The following NR3C2 variants were observed in gnomAD, a reference collection of about 807,000 sequenced individuals.
NR3C2 encodes the protein nuclear receptor subfamily 3 group C member 2.
NR3C2 carries 15 observed loss-of-function variants against 86.4 expected under a neutral mutation model. That is an observed-to-expected ratio of 0.17 (90% CI 0.12 to 0.27). The LOEUF is 0.27. Among genes scored for constraint, NR3C2 ranks in the 10% least tolerant of loss-of-function variants. The pLI is 1.00. For synonymous variants in NR3C2, 458 were observed against 450.5 expected, an observed-to-expected ratio of 1.02 and a Z score of -0.21; for missense variants, 960 against 1,195.6, an observed-to-expected ratio of 0.80 and a Z score of 2.91.
At chr4:148,300,655 C>G (rs1415110079) in intron 2 of NR3C2, among the ~76,000 whole-genome samples, 5 of 147,688 alleles carry the variant, frequency 3.4e-5, no homozygotes, top group Non-Finnish European at 5.9e-5. Flanking sequence ...ACGCAATCTC[C>G]TCCACCTCCT....
chr4:148,361,620 T>C (rs185864661), intron 2 of NR3C2, among the ~76,000 whole-genome samples: 4 of 152,314 alleles, frequency 2.6e-5, no homozygotes, highest in Admixed American at 2.6e-4. Context: ...ACAAGTTAAA[T>C]CTCTCTGGTC....
At chr4:148,388,293 A>G (rs1747369180) in intron 2 of NR3C2, among the ~76,000 whole-genome samples, 1 of 152,218 alleles carries the variant, frequency 6.6e-6, no homozygotes, top group African/African-American at 2.4e-5. Context: ...ACTTTTTAAA[A>G]TTTTGGAATA....
At chr4:148,310,018 T>TA (rs540275364) in intron 2 of NR3C2, among the ~76,000 whole-genome samples, 25 of 151,918 alleles carry the variant, frequency 1.6e-4, no homozygotes, top group Non-Finnish European at 1.3e-4. Context: ...TCACAGGGCT[T>TA]AAAAAAAACT....
intron 2 of NR3C2, among the ~76,000 whole-genome samples, chr4:148,300,982 C>T (rs1220241721): frequency 6.6e-6 from 1 of 152,144 alleles, no homozygotes; most frequent in Non-Finnish European, 1.5e-5. Flanking sequence ...TTGGGAGAGA[C>T]CTGTTTTCCT....
chr4:148,333,126 C>A (rs2149970804), intron 2 of NR3C2, among the ~76,000 whole-genome samples: 1 of 151,942 alleles, frequency 6.6e-6, no homozygotes, highest in South Asian at 2.1e-4. Context: ...AAAAAATTAG[C>A]CAGGCATGGT....
intron 3 of NR3C2, among the ~76,000 whole-genome samples, chr4:148,256,725 A>G (rs1200499803): frequency 1.3e-5 from 2 of 152,312 alleles, no homozygotes; most frequent in South Asian, 2.1e-4. Context: ...TTCAAGGCAA[A>G]TAAGTGATTC....
At chr4:148,240,891 C>T (rs183731172) in intron 3 of NR3C2, among the ~76,000 whole-genome samples, 116 of 152,256 alleles carry the variant, frequency 7.6e-4, no homozygotes, top group African/African-American at 2.5e-3. Context: ...TGCCTGGCCA[C>T]GGGCCTTTGT....
At chr4:148,376,601 C>T (rs2126418017) in intron 2 of NR3C2, among the ~76,000 whole-genome samples, 1 of 152,250 alleles carries the variant, frequency 6.6e-6, no homozygotes, top group East Asian at 1.9e-4. Flanking sequence ...TATAAAAATG[C>T]AACCTATCTA....
At chr4:148,321,716 T>C (rs1452702494) in intron 2 of NR3C2, among the ~76,000 whole-genome samples, 2 of 152,138 alleles carry the variant, frequency 1.3e-5, no homozygotes, top group African/African-American at 4.8e-5. Context: ...CCTTTTTTTG[T>C]TTTCCATTTT....
chr4:148,187,008 A>G (rs1271754890), intron 4 of NR3C2, among the ~76,000 whole-genome samples: 5 of 41,720 alleles, frequency 1.2e-4, no homozygotes, highest in African/African-American at 4.8e-4. Context: ...ATATATATAT[A>G]TATATATATA....
intron 8 of NR3C2, among the ~76,000 whole-genome samples, chr4:148,088,112 G>A (rs536881648): frequency 5.3e-5 from 8 of 152,288 alleles, no homozygotes; most frequent in African/African-American, 1.2e-4. Context: ...TTGGAAAAAA[G>A]CTCATCATCA....
intron 8 of NR3C2, among the ~76,000 whole-genome samples, chr4:148,097,151 A>G (rs777435209): frequency 5.9e-5 from 9 of 152,148 alleles, no homozygotes; most frequent in East Asian, 1.9e-4. Context: ...CCTAGCACCT[A>G]TGGGCATAAG....
intron 2 of NR3C2, among the ~76,000 whole-genome samples, chr4:148,377,166 G>A (rs981821355): frequency 6.6e-6 from 1 of 152,178 alleles, no homozygotes; most frequent in African/African-American, 2.4e-5. Context: ...TTATTAGATA[G>A]TGATTGTTGC....
rs1312538337 is a variant in NR3C2, at chr4:148,435,942, T to C, written c.919A>G (p.Arg307Gly). Reference sequence around the variant, plus strand: ...TTCGAAGGGCTGGAAACAGAGCACCTTGAGTTGTTAATATTTGCAGGGCTA... The same window carrying C: ...TTCGAAGGGCTGGAAACAGAGCACCCTGAGTTGTTAATATTTGCAGGGCTA... ...VSSPANINNS[R>G]CSVSSPSNTN... The change falls in exon 2 of 9, where the codon AGG becomes GGG. Residue 307 changes from arginine to glycine, a missense_variant. By Grantham distance (125) the Arg-to-Gly change is moderately radical. Transcript: ENST00000358102. 2 of 1,614,190 alleles carry C rather than the reference T, an allele frequency of 1.2e-6. No individual in the cohort carries two copies. Among genetic ancestry groups the C allele is most frequent in the South Asian group, 1.1e-5 (1 of 91,084 alleles).
intron 2 of NR3C2, among the ~76,000 whole-genome samples, chr4:148,342,455 T>C (rs1439920779): frequency 6.6e-6 from 1 of 152,198 alleles, no homozygotes; most frequent in Non-Finnish European, 1.5e-5. Context: ...GCTGTTGTTT[T>C]TGTAGAGTGC....
At chr4:148,191,870 G>C (rs760689134) in intron 4 of NR3C2, among the ~76,000 whole-genome samples, 18 of 152,132 alleles carry the variant, frequency 1.2e-4, no homozygotes, top group Non-Finnish European at 2.2e-4. Flanking sequence ...CTATTTCCAT[G>C]AATATTTCTC....
chr4:148,422,510 C>T (rs925284789), intron 2 of NR3C2, among the ~76,000 whole-genome samples: 14 of 152,078 alleles, frequency 9.2e-5, no homozygotes, highest in African/African-American at 2.4e-4. Context: ...GAATTTCAAA[C>T]GTATCGAAAA....
Position 148,097,643 on chromosome 4 carries a change from A to G in NR3C2, c.2800-16144T>C, listed in dbSNP as rs553145651. ...CGCTTAAGACAAGCCTGTCCTGTCC[A>G]ACCCATGGCCCACGGGCTGTATGTG... is the stretch of plus-strand genomic sequence containing the variant. On this transcript the variant is annotated intron_variant, in intron 8 of 8. Transcript: ENST00000358102. Among the ~76,000 whole-genome samples, 13 of 152,250 alleles carry G rather than the reference A, an allele frequency of 8.5e-5. No homozygotes were observed. The South Asian group carries it at 2.1e-3, about 24-fold the overall frequency.
intron 8 of NR3C2, among the ~76,000 whole-genome samples, chr4:148,104,546 G>A (rs1342588046): frequency 6.6e-6 from 1 of 152,140 alleles, no homozygotes; most frequent in Non-Finnish European, 1.5e-5. Context: ...TGGTGAGAGA[G>A]AATGTGGCTT....
Sources: gnomAD v4.1 joint callset for allele counts (sites outside exome capture counted in the v4.1 genomes callset) on GRCh38, gnomAD v4.1.1 for gene constraint, MANE v1.5 for transcripts, NCBI Gene and HGNC (gene_info 2026-07-23, HGNC 2026-07-21) for gene names.